The following HPS1 variants were observed in gnomAD, a reference collection of about 807,000 sequenced individuals.
HPS1 encodes the protein BLOC-3 complex member HPS1.
Under a neutral mutation model 90.6 loss-of-function variants are expected in HPS1, and 59 were observed. That is an observed-to-expected ratio of 0.65 (90% confidence interval 0.53 to 0.81). The LOEUF (loss-of-function observed/expected upper bound fraction) is 0.81. Ranked by LOEUF, HPS1 falls within the 30% of genes least tolerant of loss-of-function variation. The pLI, the probability that HPS1 is intolerant of heterozygous loss-of-function variation, is 0.00. For synonymous variants in HPS1, 388 were observed against 384.4 expected, an observed-to-expected ratio of 1.01 and a Z score of -0.11; for missense variants, 849 against 896.7, an observed-to-expected ratio of 0.95 and a Z score of 0.68.
chr10:98,442,396 A>C (rs1362581827), intron 3 of HPS1: 1 of 152,750 alleles, frequency 6.5e-6, no homozygotes, highest in Non-Finnish European at 1.5e-5. Context: ...ATTGTGATAG[A>C]ATCATAGGTA....
intron 17 of HPS1, among the ~76,000 whole-genome samples, chr10:98,422,027 T>C (rs1844943943): frequency 6.8e-6 from 1 of 146,704 alleles, no homozygotes; most frequent in African/African-American, 2.5e-5. Context: ...TATAGTTTTT[T>C]TGGAGAGTGG....
chr10:98,437,116 C>G (rs143750859), intron 3 of HPS1, among the ~76,000 whole-genome samples: 4 of 152,244 alleles, frequency 2.6e-5, no homozygotes, highest in African/African-American at 9.6e-5. Context: ...TATCTGAACT[C>G]ATGGTACTTA....
At position 98,435,683 on chromosome 10, in the gene HPS1, G is replaced by A. The variant is rs780249589; in HGVS notation, c.207C>T (p.Tyr69=). The change falls in exon 4 of 20, where the codon TAC becomes TAT. Residue 69 remains tyrosine (Y), a synonymous_variant. Transcript: ENST00000361490. The surrounding 1 kb of genome is among the most constrained non-coding windows in gnomAD (Gnocchi z 4.3). ...MTMLEKLSDT[Y]TCFSTENGNF... ...TGCCATTTTCCGTGGAGAAGCAGGT[G>A]TAGGTGTCCGAGAGCTTCTCCAGCA... 10 of 1,614,070 alleles carry A rather than the reference G, an allele frequency of 6.2e-6. No homozygotes were observed. Among genetic ancestry groups the A allele is most frequent in the South Asian group, 5.5e-5 (5 of 91,078 alleles).
At chr10:98,415,103 A>G (rs2136063113), downstream of HPS1, 1 of 1,613,784 alleles carries the variant, frequency 6.2e-7, no homozygotes, top group African/African-American at 1.3e-5. Context: ...AGGCGGCCAC[A>G]GCCTTGCAGA....
In HPS1 at chr10:98,417,844, C is replaced by CA; in HGVS notation, c.1941-119_1941-118insT. The stretch of plus-strand genomic sequence containing the variant: ...ATGCCCTCGGTCATCTCACTAGGCC[C>CA]CTGCATGTGGGCCTTGACAACCGCT... On this transcript the variant is annotated intron_variant, in intron 19 of 19. Transcript: ENST00000361490. This position sits in a 1 kb window ranked among gnomAD's most constrained non-coding sequence, Gnocchi z 4.2. The CA allele has an allele frequency of 1.0e-6, 1 of 958,682 alleles. No individual in the cohort carries two copies. Among genetic ancestry groups the CA allele is most frequent in the Non-Finnish European group, 1.6e-6 (1 of 616,956 alleles). 59.4% of individuals were successfully genotyped at this position (958,682 alleles called of 1,614,324 possible). A position where few individuals can be genotyped will look rare whatever the true frequency, so the allele number is the denominator to read the frequency against.
In HPS1 at chr10:98,429,803, G is replaced by A. The variant is rs1399426126; in HGVS notation, c.855C>T (p.Ser285=). Residue 285 remains serine, a synonymous_variant, in exon 9 of 20, where the codon AGC becomes AGT. Coordinates refer to ENST00000361490, the MANE Select transcript of HPS1 (RefSeq NM_000195.5). ...SPHSTGPTGG[S]SAETETDSFS... ...GCACAGCACACACCGTCTCTGCAGAGCTCCCCCCAGTTGGGCCCGTGGAGT... is the reference window on the plus strand; with the variant it reads ...GCACAGCACACACCGTCTCTGCAGAACTCCCCCCAGTTGGGCCCGTGGAGT... The A allele has an allele frequency of 6.2e-7, 1 of 1,613,710 alleles. No homozygotes were observed. Among genetic ancestry groups the A allele is most frequent in the Admixed American group, 1.7e-5 (1 of 60,012 alleles).
rs1175730545 is a variant in HPS1 at position 98,425,907 on chromosome 10, T to A, written c.1066A>T (p.Asn356Tyr). Residue 356 changes from asparagine to tyrosine, a missense_variant, in exon 12 of 20, where the codon AAC becomes TAC. Asn to Tyr is a moderately radical substitution (Grantham distance 143, BLOSUM62 -2). Transcript: ENST00000361490. ...AGGGGGCAGTAGCTTTCCTTCACGT[T>A]GGCATCCAGGAAGATCCTTCTGGGG... ...SGPRRIFLDA[N>Y]VKESYCPLVP... The A allele has an allele frequency of 6.2e-7, 1 of 1,614,014 alleles. No homozygotes were observed. The highest frequency in any genetic ancestry group is 1.7e-5 in the Admixed American group (1 of 60,008).
At chr10:98,415,170 T>TTTGC (rs1399925080), downstream of HPS1, 10 of 1,603,290 alleles carry the variant, frequency 6.2e-6, no homozygotes, top group Non-Finnish European at 8.5e-6. Flanking sequence ...AGGCAGGGAG[T>TTTGC]TTGCTAGCGA....
intron 6 of HPS1, 25 bp from the exon 7 acceptor site, chr10:98,431,316 A>C: frequency 6.2e-7 from 1 of 1,612,158 alleles, no homozygotes; most frequent in Non-Finnish European, 8.5e-7. Flanking sequence ...AAGGGAGAGG[A>C]AGCCATATCA....
chr10:98,443,257 A>G lies in HPS1; in HGVS notation c.1-17T>C. ...GCACTTCATCTGCCAGGGAAAGGCA[A>G]GGTCAAGGTCAGCCTCCAGCCCCAA... is the stretch of plus-strand genomic sequence containing the variant. On this transcript the variant is annotated splice_polypyrimidine_tract_variant and intron_variant, in intron 2 of 19. Coordinates refer to ENST00000361490, the MANE Select transcript of HPS1 (RefSeq NM_000195.5). The G allele has an allele frequency of 6.3e-7, 1 of 1,590,208 alleles. No homozygotes were observed. Among genetic ancestry groups the G allele is most frequent in the Non-Finnish European group, 8.6e-7 (1 of 1,158,278 alleles).
At chr10:98,428,151 C>A (rs1347927029) in intron 10 of HPS1, among the ~76,000 whole-genome samples, 1 of 152,206 alleles carries the variant, frequency 6.6e-6, no homozygotes, top group East Asian at 1.9e-4. Context: ...TAGCTAGGAA[C>A]CCTCACCCCA....
At chr10:98,427,130 C>A in intron 11 of HPS1, 85 bp downstream of exon 11, 1 of 1,176,190 alleles carries the variant, frequency 8.5e-7, no homozygotes, top group South Asian at 1.3e-5. Context: ...TAGAGTCACC[C>A]TGGAGGCGAA....
chr10:98,433,297 A>C (rs10786420), intron 6 of HPS1, among the ~76,000 whole-genome samples: 2 of 150,984 alleles, frequency 1.3e-5, no homozygotes, highest in African/African-American at 4.9e-5. Flanking sequence ...AAATGAGAAA[A>C]GCTGAAAGTG....
Position 98,434,725 on chromosome 10 carries a change from A to G in HPS1, c.398+547T>C, listed in dbSNP as rs12258111. On this transcript the variant is annotated intron_variant, in intron 5 of 19. Transcript: ENST00000361490. ...ACGAACTTCTCTTTTCTAGGTCTAC[A>G]TTTCAACTACAAGCCTTTTCTGGGG... Among the ~76,000 whole-genome samples, 1,218 of 152,046 alleles carry G rather than the reference A, an allele frequency of 8.0e-3. 12 individuals carry two copies. The highest frequency in any genetic ancestry group is 0.01 in the African/African-American group (419 of 41,446).
downstream of HPS1, chr10:98,415,163 C>T: frequency 1.9e-6 from 3 of 1,606,792 alleles, no homozygotes; most frequent in Non-Finnish European, 2.5e-6. Flanking sequence ...CCTTGCTAGG[C>T]AGGGAGTTTG....
chr10:98,438,011 C>A (rs1025323222), intron 3 of HPS1, among the ~76,000 whole-genome samples: 1 of 152,232 alleles, frequency 6.6e-6, no homozygotes, highest in Non-Finnish European at 1.5e-5. Context: ...CTTGACACTT[C>A]TTCCTGCTGC....
At chr10:98,414,524 T>C (rs1452286478), downstream of HPS1, among the ~76,000 whole-genome samples, 2 of 152,142 alleles carry the variant, frequency 1.3e-5, no homozygotes, top group African/African-American at 2.4e-5. Context: ...TAACTGGCCT[T>C]TATGAAATGA....
intron 6 of HPS1, among the ~76,000 whole-genome samples, chr10:98,432,507 A>G (rs1411634458): frequency 6.6e-6 from 1 of 152,076 alleles, no homozygotes; most frequent in Non-Finnish European, 1.5e-5. Context: ...CTTCAGATCT[A>G]TTTTCCAGCT....
At position 98,442,680 on chromosome 10, in the gene HPS1, A is replaced by G; in HGVS notation, c.117+444T>C. ...ACCACCACACCTGGCTAATTTTTGT[A>G]TTTTTTTTGTAGAGACAGGGTTTCG... On this transcript the variant is annotated intron_variant, in intron 3 of 19. Coordinates refer to ENST00000361490, the MANE Select transcript of HPS1 (RefSeq NM_000195.5). The G allele has an allele frequency of 1.2e-5, 3 of 247,062 alleles. No homozygotes were observed. The South Asian group carries it at 1.5e-4, about 13-fold the overall frequency. The allele number at this position is 247,062 out of a possible 1,614,324, so 15.3% of individuals were successfully genotyped here.
Sources: allele counts gnomAD v4.1 joint callset (sites outside exome capture counted in the v4.1 genomes callset), GRCh38; gene constraint gnomAD v4.1.1; non-coding constraint Gnocchi (gnomAD v3.1); transcripts MANE v1.5; gene names NCBI Gene and HGNC (gene_info 2026-07-23, HGNC 2026-07-21).